The following HMG20A variants were observed in gnomAD, a reference collection of about 807,000 sequenced individuals.
HMG20A encodes high mobility group protein 20A.
HMG20A carries 17 observed loss-of-function variants against 43.9 expected under a neutral mutation model. The ratio of observed to expected loss-of-function variants is 0.39; its 90% CI spans 0.27 to 0.58. HMG20A has a LOEUF of 0.58. Ranked by LOEUF, HMG20A falls within the 20% of genes least tolerant of loss-of-function variation. The probability of loss-of-function intolerance (pLI) is 0.59; values close to 1 mark genes in which losing one functional copy is unlikely to be tolerated. For missense variants in HMG20A, 341 were observed against 438.2 expected (o/e 0.78, Z 1.98); for synonymous variants, 132 against 147.5 (o/e 0.89, Z 0.76).
At chr15:77,463,049 G>C (rs947557681) in intron 2 of HMG20A, among the ~76,000 whole-genome samples, 1 of 152,162 alleles carries the variant, frequency 6.6e-6, no homozygotes, top group Admixed American at 6.5e-5. Flanking sequence ...TGGGATTACA[G>C]GCGTGAGGCA....
chr15:77,430,693 GAGA>G (rs773121384), intron 1 of HMG20A, among the ~76,000 whole-genome samples: 70 of 152,340 alleles, frequency 4.6e-4, no homozygotes, highest in Non-Finnish European at 9.3e-4. Context: ...AAGATCCCTA[GAGA>G]AGGACAGTAC....
At chr15:77,491,080 A>G in the HMG20A span, among the ~76,000 whole-genome samples, 1 of 152,254 alleles carries the variant, frequency 6.6e-6, no homozygotes, top group African/African-American at 2.4e-5. Context: ...TTTAAGATTG[A>G]CATAAAGCAG....
chr15:77,452,259 C>T (rs2072610064), intron 1 of HMG20A, among the ~76,000 whole-genome samples: 1 of 152,132 alleles, frequency 6.6e-6, no homozygotes, highest in Admixed American at 6.6e-5. Context: ...ATGATATGCT[C>T]AAAACCAGGC....
chr15:77,438,049 T>C (rs1183965606), intron 1 of HMG20A, among the ~76,000 whole-genome samples: 1 of 151,872 alleles, frequency 6.6e-6, no homozygotes, highest in East Asian at 1.9e-4. Flanking sequence ...CTTGAACTCC[T>C]AGGCAAAAGT....
chr15:77,433,630 C>T (rs2142280202), intron 1 of HMG20A, among the ~76,000 whole-genome samples: 1 of 152,310 alleles, frequency 6.6e-6, no homozygotes, highest in African/African-American at 2.4e-5. Flanking sequence ...AATAAGCAAA[C>T]TTACACGAGC....
chr15:77,431,235 G>T (rs1484411897), intron 1 of HMG20A, among the ~76,000 whole-genome samples: 3 of 151,744 alleles, frequency 2.0e-5, no homozygotes, highest in South Asian at 2.1e-4. Context: ...ATTTTGAGAT[G>T]GAGTCTCCCT....
intron 1 of HMG20A, 165 bp from the exon 2 acceptor site, chr15:77,458,239 A>G: frequency 3.8e-6 from 2 of 527,652 alleles, no homozygotes; most frequent in Non-Finnish European, 6.7e-6. Context: ...CCCATTTACC[A>G]TACAGTTTAA....
At chr15:77,494,476 GAAC>G in the HMG20A span, among the ~76,000 whole-genome samples, 1 of 152,116 alleles carries the variant, frequency 6.6e-6, no homozygotes, top group African/African-American at 2.4e-5. Flanking sequence ...CTTGACATCA[GAAC>G]AACATCTGGA....
chr15:77,505,464 G>A, the HMG20A span, among the ~76,000 whole-genome samples: 5 of 150,652 alleles, frequency 3.3e-5, no homozygotes, highest in Non-Finnish European at 5.9e-5. Context: ...TGCTGAGCCC[G>A]ATGGCCTTGA....
At position 77,451,489 on chromosome 15, in the gene HMG20A, T is replaced by C. The variant is rs905705929; in HGVS notation, c.-4-6915T>C. ...TTGTAGTGGTAGATCATTATTGTTTTAATTTGCAGTTATAGTTGGCCCTGT... is the reference window on the plus strand; with the variant it reads ...TTGTAGTGGTAGATCATTATTGTTTCAATTTGCAGTTATAGTTGGCCCTGT... On this transcript the variant is annotated intron_variant, in intron 1 of 9. Coordinates refer to ENST00000336216, the MANE Select transcript of HMG20A (RefSeq NM_001304504.2). Among the ~76,000 whole-genome samples the C allele has an allele frequency of 2.6e-5, 4 of 152,226 alleles. No individual in the cohort carries two copies. In the East Asian group the frequency reaches 5.8e-4, roughly 22 times the overall value.
chr15:77,441,783 A>G (rs1595916264), intron 1 of HMG20A, among the ~76,000 whole-genome samples: 1 of 152,150 alleles, frequency 6.6e-6, no homozygotes, highest in East Asian at 1.9e-4. Context: ...CTTGATTGTA[A>G]TTTATCAACT....
chr15:77,458,578 C>G, intron 2 of HMG20A, 82 bp downstream of exon 2: 1 of 880,286 alleles, frequency 1.1e-6, no homozygotes, highest in Non-Finnish European at 1.9e-6. Flanking sequence ...CCTAAAGAGG[C>G]AGTTTTATAT....
intron 4 of HMG20A, 121 bp downstream of exon 4, chr15:77,467,428 C>A (rs1466309257): frequency 5.2e-6 from 4 of 775,002 alleles, no homozygotes; most frequent in Non-Finnish European, 4.2e-6. Flanking sequence ...GCCTAGGAGA[C>A]CAGAATAGCA....
At chr15:77,494,636 A>G in the HMG20A span, among the ~76,000 whole-genome samples, 7 of 152,232 alleles carry the variant, frequency 4.6e-5, no homozygotes, top group Non-Finnish European at 8.8e-5. Context: ...GTGGCTTATA[A>G]TGAAATAATA....
At chr15:77,499,833 T>C in the HMG20A span, among the ~76,000 whole-genome samples, 2 of 136,476 alleles carry the variant, frequency 1.5e-5, no homozygotes, top group South Asian at 4.6e-4. Context: ...CTTTTTCTTT[T>C]CTTTTTTTTT....
Position 77,443,379 on chromosome 15 carries a change from GATTATT to G in HMG20A, c.-4-14999_-4-14994del, listed in dbSNP as rs58715798. Among the ~76,000 whole-genome samples the G allele has an allele frequency of 7.2e-3, 950 of 131,284 alleles. 14 individuals carry two copies. The highest frequency in any genetic ancestry group is 0.025 in the African/African-American group (899 of 35,302). 86.1% of individuals were successfully genotyped at this position (131,284 alleles called of 152,430 possible). On this transcript the variant is annotated intron_variant, in intron 1 of 9. Coordinates refer to ENST00000336216, the MANE Select transcript of HMG20A (RefSeq NM_001304504.2). The stretch of plus-strand genomic sequence containing the variant: ...TGATGATGATGATGATGATGATGAT[GATTATT>G]ATTATTATTATTATTATTATTATTA...
the HMG20A span, among the ~76,000 whole-genome samples, chr15:77,501,165 G>A: frequency 6.6e-6 from 1 of 152,196 alleles, no homozygotes; most frequent in African/African-American, 2.4e-5. Flanking sequence ...TAAGCACTCA[G>A]TAGTAAGTCT....
Position 77,479,315 on chromosome 15 carries a change from G to A in HMG20A, c.1044G>A (p.Ter348=). 1 of 1,613,654 alleles carries A rather than the reference G, an allele frequency of 6.2e-7. No individual in the cohort carries two copies. Among genetic ancestry groups the A allele is most frequent in the Non-Finnish European group, 8.5e-7 (1 of 1,179,872 alleles). The stretch of plus-strand genomic sequence containing the variant: ...AAGTTGTGAACAGACTCGATCGTTA[G>A]GGAATGGTGAGTGCTCACTGATAAA... The part of the protein sequence containing the change: ...VREVVNRLDR[*] Residue 348 remains the stop codon, a stop_retained_variant, in exon 9 of 10, where the codon TAG becomes TAA. Coordinates refer to ENST00000336216, the MANE Select transcript of HMG20A (RefSeq NM_001304504.2).
intron 4 of HMG20A, 27 bp downstream of exon 4, chr15:77,467,334 G>A (rs755843903): frequency 1.3e-6 from 2 of 1,558,346 alleles, no homozygotes; most frequent in East Asian, 2.3e-5. Flanking sequence ...CTGACTCTTT[G>A]TTTGGTTTTG....
Sources: gnomAD v4.1 joint callset for allele counts (sites outside exome capture counted in the v4.1 genomes callset) on GRCh38, gnomAD v4.1.1 for gene constraint, MANE v1.5 for transcripts, NCBI Gene and HGNC (gene_info 2026-07-23, HGNC 2026-07-21) for gene names.